SLC60A1: variants seen among roughly 807,000 people sequenced by gnomAD.
SLC60A1 encodes major facilitator superfamily domain containing 4.
chr1:205,592,163 G>C, the SLC60A1 span: 4 of 1,614,146 alleles, frequency 2.5e-6, no homozygotes, highest in Non-Finnish European at 3.4e-6. Context: ...TGACGTTCCT[G>C]GTGCTGCTTA....
chr1:205,586,004 T>G, the SLC60A1 span: 1 of 1,548,802 alleles, frequency 6.5e-7, no homozygotes, highest in South Asian at 1.2e-5. Context: ...GGGCTGCAGG[T>G]GTGCTCAACA....
the SLC60A1 span, chr1:205,602,170 AC>A: frequency 6.6e-6 from 1 of 152,348 alleles, no homozygotes; most frequent in Non-Finnish European, 1.5e-5. Flanking sequence ...CTATGTATAT[AC>A]AAATGTACAT....
At chr1:205,573,102 C>T in the SLC60A1 span, among the ~76,000 whole-genome samples, 17 of 151,912 alleles carry the variant, frequency 1.1e-4, no homozygotes, top group African/African-American at 2.2e-4. Context: ...AGTGTCAAAA[C>T]CAAACAAAAC....
At chr1:205,598,036 C>T in the SLC60A1 span, 23 of 583,674 alleles carry the variant, frequency 3.9e-5, no homozygotes, top group South Asian at 4.5e-4. Context: ...AGCTGAGCCT[C>T]CATATGTGGG....
At chr1:205,593,286 C>G in the SLC60A1 span, among the ~76,000 whole-genome samples, 12,486 of 151,570 alleles carry the variant, frequency 0.082, 649 homozygotes, top group East Asian at 0.23. Flanking sequence ...CTAGCTAACA[C>G]GCTGAAACCC....
chr1:205,572,457 T>C, the SLC60A1 span, among the ~76,000 whole-genome samples: 10 of 152,252 alleles, frequency 6.6e-5, no homozygotes, highest in South Asian at 2.1e-3. Flanking sequence ...CTATTCACTT[T>C]TCTCTTTTTG....
chr1:205,573,770 C>T, the SLC60A1 span, among the ~76,000 whole-genome samples: 3 of 152,212 alleles, frequency 2.0e-5, no homozygotes, highest in East Asian at 3.9e-4. Context: ...GATCTCATCT[C>T]ACTGCAAACC....
the SLC60A1 span, among the ~76,000 whole-genome samples, chr1:205,573,618 C>T: frequency 6.6e-6 from 1 of 152,076 alleles, no homozygotes; most frequent in South Asian, 2.1e-4. Flanking sequence ...GATACAGAAA[C>T]TAAATTAGTA....
At chr1:205,597,590 C>G in the SLC60A1 span, 1 of 532,064 alleles carries the variant, frequency 1.9e-6, no homozygotes, top group African/African-American at 1.9e-5. Flanking sequence ...GAGACCAAGT[C>G]TTGTGATATT....
At chr1:205,600,366 G>A in the SLC60A1 span, 4 of 1,597,914 alleles carry the variant, frequency 2.5e-6, no homozygotes, top group Non-Finnish European at 3.4e-6. Flanking sequence ...ACTCATCAGA[G>A]CTGCTGAAAC....
At chr1:205,573,717 G>C in the SLC60A1 span, among the ~76,000 whole-genome samples, 1 of 152,042 alleles carries the variant, frequency 6.6e-6, no homozygotes, top group African/African-American at 2.4e-5. Flanking sequence ...TATTTTTTGA[G>C]ACATAGTCTT....
the SLC60A1 span, among the ~76,000 whole-genome samples, chr1:205,597,373 GTTTTTTTTTTT>G: frequency 1.1e-4 from 4 of 37,246 alleles, no homozygotes; most frequent in South Asian, 2.0e-3. Context: ...AACCTAGGTT[GTTTTTTTTTTT>G]TTTTTTTTTT....
chr1:205,586,982 G>A, the SLC60A1 span, among the ~76,000 whole-genome samples: 34 of 152,286 alleles, frequency 2.2e-4, no homozygotes, highest in African/African-American at 8.2e-4. Flanking sequence ...ACAGGAGTAA[G>A]CCACTCTGCC....
chr1:205,569,262 C>T, the SLC60A1 span: 1 of 1,563,060 alleles, frequency 6.4e-7, no homozygotes, highest in Non-Finnish European at 8.7e-7. Context: ...GCTCTGCCTC[C>T]TGCTGGGCAG....
chr1:205,576,281 C>A, the SLC60A1 span, among the ~76,000 whole-genome samples: 14 of 152,178 alleles, frequency 9.2e-5, no homozygotes, highest in Non-Finnish European at 1.6e-4. Flanking sequence ...CCCAACATTG[C>A]TCTTTGGGGA....
the SLC60A1 span, among the ~76,000 whole-genome samples, chr1:205,574,052 G>C: frequency 6.6e-6 from 1 of 152,096 alleles, no homozygotes; most frequent in Non-Finnish European, 1.5e-5. Flanking sequence ...AGATTGTAGT[G>C]ATGGTTTTAC....
At chr1:205,601,489 C>T in the SLC60A1 span, 1 of 152,194 alleles carries the variant, frequency 6.6e-6, no homozygotes, top group African/African-American at 2.4e-5. Context: ...ATGGATGTTC[C>T]ATTTTTTTCT....
At chr1:205,593,147 G>A in the SLC60A1 span, among the ~76,000 whole-genome samples, 1 of 151,874 alleles carries the variant, frequency 6.6e-6, no homozygotes, top group Non-Finnish European at 1.5e-5. Flanking sequence ...CACCAGAGAC[G>A]CACTAGAGGC....
chr1:205,587,311 G>A, the SLC60A1 span, among the ~76,000 whole-genome samples: 2 of 152,186 alleles, frequency 1.3e-5, no homozygotes, highest in Admixed American at 1.3e-4. Flanking sequence ...GTCCAGGTAA[G>A]AAAGCATTTC....
Sources: allele counts gnomAD v4.1 joint callset (sites outside exome capture counted in the v4.1 genomes callset), GRCh38; gene constraint gnomAD v4.1.1; transcripts MANE v1.5; gene names NCBI Gene and HGNC (gene_info 2026-07-23, HGNC 2026-07-21).